PTPRD: variants seen among roughly 807,000 people sequenced by gnomAD.
PTPRD encodes the protein receptor-type tyrosine-protein phosphatase delta.
Under a neutral mutation model 214.5 loss-of-function variants are expected in PTPRD, and 34 were observed. The observed-to-expected ratio is 0.16, with a 90% confidence interval of 0.12 to 0.21. The LOEUF (loss-of-function observed/expected upper bound fraction) is 0.21, where lower values mean the gene tolerates loss of function less well. PTPRD is among the 10% of genes least tolerant of loss of function. The probability of loss-of-function intolerance (pLI) is 1.00; values close to 1 mark genes in which losing one functional copy is unlikely to be tolerated. For missense variants in PTPRD, 2,545 were observed against 2,398.7 expected, an observed-to-expected ratio of 1.06 and a Z score of -1.27; for synonymous variants, 1,128 against 845.7, an observed-to-expected ratio of 1.33 and a Z score of -5.79.
chr9:9,907,776 C>T (rs2078017362), intron 5 of PTPRD, among the ~76,000 whole-genome samples: 1 of 152,036 alleles, frequency 6.6e-6, no homozygotes, highest in South Asian at 2.1e-4. Context: ...TTCTCCTAAC[C>T]ATAAGCACTC....
At chr9:9,836,169 G>C (rs761251579) in intron 5 of PTPRD, among the ~76,000 whole-genome samples, 2 of 152,172 alleles carry the variant, frequency 1.3e-5, no homozygotes, top group Non-Finnish European at 2.9e-5. Context: ...TCCAGGATTA[G>C]TAACAAGGCA....
At chr9:10,207,909 T>C (rs2099491997) in intron 3 of PTPRD, among the ~76,000 whole-genome samples, 1 of 152,180 alleles carries the variant, frequency 6.6e-6, no homozygotes, top group Admixed American at 6.5e-5. Context: ...AAAAGTAATT[T>C]ACCTATGTTG....
At chr9:9,923,551 T>C (rs528701204) in intron 5 of PTPRD, among the ~76,000 whole-genome samples, 189 of 152,040 alleles carry the variant, frequency 1.2e-3, no homozygotes, top group African/African-American at 4.1e-3. Flanking sequence ...TCAGAAATGC[T>C]TAAACGTTTC....
At chr9:10,205,026 C>T (rs1042209642) in intron 3 of PTPRD, among the ~76,000 whole-genome samples, 2 of 124,212 alleles carry the variant, frequency 1.6e-5, no homozygotes, top group African/African-American at 8.3e-5. Context: ...TTTTAACAAG[C>T]TCTGCAAAAC....
intron 2 of PTPRD, among the ~76,000 whole-genome samples, chr9:10,575,938 T>G (rs1048701127): frequency 7.9e-5 from 12 of 152,184 alleles, no homozygotes; most frequent in Non-Finnish European, 1.6e-4. Context: ...AATTATTTTT[T>G]TTAAGAGTAG....
At chr9:10,343,978 GTTTTTT>G (rs139613939) in intron 2 of PTPRD, among the ~76,000 whole-genome samples, 49 of 31,668 alleles carry the variant, frequency 1.5e-3, no homozygotes, top group African/African-American at 6.2e-3. Context: ...TCTGATGGTA[GTTTTTT>G]TTTTTTTTTT....
At chr9:8,870,558 G>C (rs1437690756) in intron 11 of PTPRD, among the ~76,000 whole-genome samples, 1 of 152,118 alleles carries the variant, frequency 6.6e-6, no homozygotes. Flanking sequence ...GCCCTCGTGT[G>C]TAACAACCCT....
chr9:10,452,946 TA>T (rs2130905351), intron 2 of PTPRD, among the ~76,000 whole-genome samples: 1 of 151,142 alleles, frequency 6.6e-6, no homozygotes, highest in South Asian at 2.1e-4. Context: ...TTGGGAGTTT[TA>T]TGGTTTCAGA....
At chr9:10,043,044 G>C (rs953348493) in intron 3 of PTPRD, among the ~76,000 whole-genome samples, 1 of 151,374 alleles carries the variant, frequency 6.6e-6, no homozygotes, top group African/African-American at 2.4e-5. Flanking sequence ...GTCATTCATT[G>C]GATATTTCTG....
intron 9 of PTPRD, among the ~76,000 whole-genome samples, chr9:9,309,958 T>A (rs1159709660): frequency 6.6e-6 from 1 of 152,134 alleles, no homozygotes; most frequent in African/African-American, 2.4e-5. Context: ...GATTTTTTTT[T>A]CCCTTACATA....
At chr9:10,086,225 G>A (rs1305841002) in intron 3 of PTPRD, among the ~76,000 whole-genome samples, 1 of 151,812 alleles carries the variant, frequency 6.6e-6, no homozygotes, top group Non-Finnish European at 1.5e-5. Flanking sequence ...TAACAGCGCT[G>A]TAGACTTATT....
At chr9:10,278,125 C>T (rs1032776019) in intron 3 of PTPRD, among the ~76,000 whole-genome samples, 1 of 150,426 alleles carries the variant, frequency 6.6e-6, no homozygotes, top group Non-Finnish European at 1.5e-5. Flanking sequence ...CACTGCACTC[C>T]AGCCTGGGCG....
intron 4 of PTPRD, among the ~76,000 whole-genome samples, chr9:10,016,390 T>A (rs1177122096): frequency 7.0e-6 from 1 of 142,570 alleles, no homozygotes; most frequent in African/African-American, 2.7e-5. Context: ...GATAGATAGA[T>A]AGATAGACAG....
intron 7 of PTPRD, among the ~76,000 whole-genome samples, chr9:9,598,345 G>T (rs925024616): frequency 6.6e-6 from 1 of 151,994 alleles, no homozygotes; most frequent in African/African-American, 2.4e-5. Context: ...TGTCGAGTAG[G>T]AGAGGGCAGA....
intron 11 of PTPRD, among the ~76,000 whole-genome samples, chr9:8,991,087 T>G (rs773603669): frequency 6.6e-6 from 1 of 151,434 alleles, no homozygotes; most frequent in African/African-American, 2.4e-5. Flanking sequence ...GGCATGTTGG[T>G]GCATGCCTGT....
At chr9:8,898,201 T>C (rs1394534181) in intron 11 of PTPRD, among the ~76,000 whole-genome samples, 1 of 152,172 alleles carries the variant, frequency 6.6e-6, no homozygotes, top group Non-Finnish European at 1.5e-5. Flanking sequence ...ACTCATATTC[T>C]CTTTTATATA....
chr9:9,609,619 C>T (rs1239698526), intron 7 of PTPRD, among the ~76,000 whole-genome samples: 1 of 152,142 alleles, frequency 6.6e-6, no homozygotes, highest in African/African-American at 2.4e-5. Flanking sequence ...TACGCCACCA[C>T]ACCTGGCTAA....
intron 10 of PTPRD, among the ~76,000 whole-genome samples, chr9:9,146,104 G>C (rs920481597): frequency 2.0e-5 from 3 of 152,096 alleles, no homozygotes; most frequent in African/African-American, 7.2e-5. Flanking sequence ...ACTTCAAATG[G>C]GGTTTTGATA....
intron 7 of PTPRD, among the ~76,000 whole-genome samples, chr9:9,594,035 A>T (rs1592468605): frequency 1.3e-5 from 2 of 152,196 alleles, no homozygotes; most frequent in Middle Eastern, 6.8e-3. Flanking sequence ...AATGGACGAT[A>T]GTTAATGAGG....
Sources: allele counts gnomAD v4.1 joint callset (sites outside exome capture counted in the v4.1 genomes callset), GRCh38; gene constraint gnomAD v4.1.1; transcripts MANE v1.5; gene names NCBI Gene and HGNC (gene_info 2026-07-23, HGNC 2026-07-21).